NRG1: variants seen among roughly 807,000 people sequenced by gnomAD.
NRG1 encodes the protein neuregulin 1.
NRG1 carries 18 observed loss-of-function variants against 63.8 expected under a neutral mutation model. The ratio of observed to expected loss-of-function variants is 0.28; its 90% confidence interval spans 0.19 to 0.42. The LOEUF is 0.42. Ranked by LOEUF, NRG1 falls within the 10% of genes least tolerant of loss-of-function variation. NRG1 has a pLI of 1.00. For synonymous variants in NRG1, 302 were observed against 301.3 expected (o/e 1.00, Z -0.02); for missense variants, 762 against 814.7 (o/e 0.94, Z 0.79).
chr8:31,923,053 T>A (rs1834041382), intron 1 of NRG1, among the ~76,000 whole-genome samples: 2 of 151,918 alleles, frequency 1.3e-5, no homozygotes, highest in Non-Finnish European at 2.9e-5. Context: ...GAAGGAAGGG[T>A]GAGATGAGAG....
intron 5 of NRG1, among the ~76,000 whole-genome samples, chr8:32,660,676 G>A (rs1200409477): frequency 6.6e-6 from 1 of 152,162 alleles, no homozygotes; most frequent in African/African-American, 2.4e-5. Flanking sequence ...CTGTGTGACA[G>A]CATGCACACT....
At chr8:32,469,235 G>T (rs959337334) in intron 1 of NRG1, among the ~76,000 whole-genome samples, 7 of 152,162 alleles carry the variant, frequency 4.6e-5, no homozygotes, top group Non-Finnish European at 7.3e-5. Flanking sequence ...TAATGACAAA[G>T]ACATGGAAAG....
At chr8:31,839,452 C>T (rs1563466334) in intron 1 of NRG1, among the ~76,000 whole-genome samples, 1 of 152,022 alleles carries the variant, frequency 6.6e-6, no homozygotes, top group Non-Finnish European at 1.5e-5. Flanking sequence ...CACTGTTCCA[C>T]ATGTTCCACA....
intron 1 of NRG1, among the ~76,000 whole-genome samples, chr8:32,378,508 G>A (rs886203872): frequency 2.6e-5 from 4 of 152,050 alleles, no homozygotes; most frequent in Non-Finnish European, 5.9e-5. Context: ...GCACCTAAGA[G>A]CATTTTCACC....
intron 1 of NRG1, among the ~76,000 whole-genome samples, chr8:31,879,744 G>T (rs767305547): frequency 6.6e-6 from 1 of 152,052 alleles, no homozygotes; most frequent in Non-Finnish European, 1.5e-5. Context: ...AGTGTCTGTT[G>T]TTTCCTTCTT....
intron 1 of NRG1, among the ~76,000 whole-genome samples, chr8:32,022,245 T>C (rs1816570916): frequency 6.6e-6 from 1 of 152,200 alleles, no homozygotes; most frequent in African/African-American, 2.4e-5. Context: ...GCTTGACTTA[T>C]TGCTTAAGTC....
intron 5 of NRG1, among the ~76,000 whole-genome samples, chr8:32,639,675 T>G (rs1253758749): frequency 6.6e-6 from 1 of 152,214 alleles, no homozygotes; most frequent in Non-Finnish European, 1.5e-5. Flanking sequence ...TTAACACATA[T>G]TTCTAGAGCA....
chr8:31,826,059 T>A (rs1037408897), intron 1 of NRG1, among the ~76,000 whole-genome samples: 1 of 152,166 alleles, frequency 6.6e-6, no homozygotes, highest in Non-Finnish European at 1.5e-5. Context: ...ATAGTCTATT[T>A]TCACCTAGAA....
At chr8:32,499,900 C>T (rs933025427) in intron 1 of NRG1, among the ~76,000 whole-genome samples, 8 of 152,046 alleles carry the variant, frequency 5.3e-5, no homozygotes, top group Admixed American at 1.3e-4. Flanking sequence ...TTGTGGTTCT[C>T]AGTGATGCCA....
At chr8:32,128,687 G>GT (rs1212872595) in intron 1 of NRG1, among the ~76,000 whole-genome samples, 3 of 151,798 alleles carry the variant, frequency 2.0e-5, no homozygotes, top group Non-Finnish European at 2.9e-5. Flanking sequence ...CAGCCAGCGT[G>GT]TTTTTTCTCA....
At chr8:31,941,720 A>T (rs1801778465) in intron 1 of NRG1, among the ~76,000 whole-genome samples, 1 of 152,146 alleles carries the variant, frequency 6.6e-6, no homozygotes, top group South Asian at 2.1e-4. Context: ...TAATGTAAAA[A>T]ATTAGTAGCT....
At chr8:32,552,654 G>C (rs1834374181) in intron 1 of NRG1, among the ~76,000 whole-genome samples, 1 of 152,126 alleles carries the variant, frequency 6.6e-6, no homozygotes, top group African/African-American at 2.4e-5. Flanking sequence ...CTGGTTACTT[G>C]TAACCACCTA....
chr8:32,676,025 T>C (rs187361289), intron 5 of NRG1, among the ~76,000 whole-genome samples: 2 of 152,306 alleles, frequency 1.3e-5, no homozygotes, highest in Admixed American at 1.3e-4. Context: ...GATATATGCC[T>C]GAGATCATGA....
In NRG1 at chr8:31,640,761, G is replaced by A; in HGVS notation, c.37+1330G>A. On this transcript the variant is annotated intron_variant, in intron 1 of 10. Transcript: ENST00000519301. This position sits in a 1 kb window ranked among gnomAD's most constrained non-coding sequence, Gnocchi z 6.3. The stretch of plus-strand genomic sequence containing the variant: ...TCCTCGCCCTTGGGGGCGCGAACCC[G>A]CGGCGAGGAGGGCGCATCCCGGGCG... The A allele has an allele frequency of 1.4e-6, 2 of 1,471,676 alleles. No homozygotes were observed. The highest frequency in any genetic ancestry group is 1.8e-6 in the Non-Finnish European group (2 of 1,109,216). 91.2% of individuals were successfully genotyped at this position (1,471,676 alleles called of 1,614,324 possible). A position where few individuals can be genotyped will look rare whatever the true frequency, so the allele number is the denominator to read the frequency against.
intron 1 of NRG1, among the ~76,000 whole-genome samples, chr8:32,135,583 A>C (rs566493785): frequency 8.5e-5 from 13 of 152,248 alleles, no homozygotes; most frequent in African/African-American, 3.1e-4. Flanking sequence ...GCATTTACTA[A>C]GATGGGTGAG....
At chr8:31,859,374 G>T (rs1828252685) in intron 1 of NRG1, among the ~76,000 whole-genome samples, 1 of 152,066 alleles carries the variant, frequency 6.6e-6, no homozygotes, top group South Asian at 2.1e-4. Flanking sequence ...AATCTGAGGT[G>T]CAGTCATTTT....
At chr8:32,467,291 A>G (rs1823189274) in intron 1 of NRG1, among the ~76,000 whole-genome samples, 1 of 152,158 alleles carries the variant, frequency 6.6e-6, no homozygotes, top group African/African-American at 2.4e-5. Context: ...GTGATTAGCT[A>G]GCTGGGAAGG....
At chr8:31,799,657 T>C (rs1821562225) in intron 1 of NRG1, among the ~76,000 whole-genome samples, 1 of 152,096 alleles carries the variant, frequency 6.6e-6, no homozygotes, top group African/African-American at 2.4e-5. Flanking sequence ...TTTTGCACTT[T>C]TATGATTTTC....
intron 1 of NRG1, among the ~76,000 whole-genome samples, chr8:31,827,014 A>G (rs1246661290): frequency 6.6e-6 from 1 of 152,152 alleles, no homozygotes; most frequent in Non-Finnish European, 1.5e-5. Flanking sequence ...TGACCTTAAA[A>G]CTAGGAAAAA....
Sources: gnomAD v4.1 joint callset for allele counts (sites outside exome capture counted in the v4.1 genomes callset) on GRCh38, gnomAD v4.1.1 for gene constraint, Gnocchi (gnomAD v3.1) non-coding constraint, MANE v1.5 for transcripts, NCBI Gene and HGNC (gene_info 2026-07-23, HGNC 2026-07-21) for gene names.